MRPS9: variants seen among roughly 807,000 people sequenced by gnomAD.
The protein encoded by MRPS9 is mitochondrial ribosomal protein S9.
A neutral mutation model predicts 59.9 loss-of-function variants in MRPS9; 45 were observed. The ratio of observed to expected loss-of-function variants is 0.75; its 90% CI spans 0.59 to 0.96. The LOEUF (loss-of-function observed/expected upper bound fraction) is 0.96, where lower values mean the gene tolerates loss of function less well. Ranked by LOEUF, MRPS9 falls within the 40% of genes least tolerant of loss-of-function variation. The pLI, the probability that MRPS9 is intolerant of heterozygous loss-of-function variation, is 0.00. For missense variants in MRPS9, 473 were observed against 481.1 expected (o/e 0.98, Z 0.16); for synonymous variants, 171 against 166.8 (o/e 1.03, Z -0.19).
At chr2:105,093,242 G>A (rs1322572870) in intron 8 of MRPS9, among the ~76,000 whole-genome samples, 1 of 152,104 alleles carries the variant, frequency 6.6e-6, no homozygotes, top group African/African-American at 2.4e-5. Flanking sequence ...ATTCTCGTAA[G>A]GGAAATGAAT....
At chr2:105,060,850 G>A (rs184459017) in intron 2 of MRPS9, among the ~76,000 whole-genome samples, 1 of 151,712 alleles carries the variant, frequency 6.6e-6, no homozygotes, top group Non-Finnish European at 1.5e-5. Flanking sequence ...GGTGGCTCAC[G>A]CCTGTAATCC....
At chr2:105,053,487 T>G (rs999647581) in intron 2 of MRPS9, among the ~76,000 whole-genome samples, 8 of 152,214 alleles carry the variant, frequency 5.3e-5, no homozygotes, top group African/African-American at 1.9e-4. Flanking sequence ...GAATTGCATT[T>G]GAGCAAAACA....
intron 9 of MRPS9, among the ~76,000 whole-genome samples, chr2:105,095,215 C>T (rs1046449485): frequency 1.3e-5 from 2 of 152,176 alleles, no homozygotes; most frequent in African/African-American, 4.8e-5. Context: ...GGAATTCTGT[C>T]ATCACCTAAC....
At chr2:105,060,712 C>T (rs1297489199) in intron 2 of MRPS9, among the ~76,000 whole-genome samples, 1 of 152,142 alleles carries the variant, frequency 6.6e-6, no homozygotes, top group Non-Finnish European at 1.5e-5. Context: ...AGTTGTCTAC[C>T]ATTTGCAATG....
At chr2:105,081,309 A>G (rs1006424855) in intron 5 of MRPS9, among the ~76,000 whole-genome samples, 2 of 152,358 alleles carry the variant, frequency 1.3e-5, no homozygotes, top group Admixed American at 1.3e-4. Context: ...AGGCCTGTCA[A>G]CTTGTTACAC....
At chr2:105,098,219 G>T (rs1307849387) in intron 10 of MRPS9, 1 of 152,218 alleles carries the variant, frequency 6.6e-6, no homozygotes. Flanking sequence ...TGCTTTAGAA[G>T]TTGGAATAAA....
intron 8 of MRPS9, 116 bp from the exon 9 acceptor site, chr2:105,093,414 T>C: frequency 6.1e-6 from 3 of 489,250 alleles, no homozygotes; most frequent in Non-Finnish European, 1.1e-5. Flanking sequence ...GTTATAGGAC[T>C]TGCTTATGTA....
chr2:105,054,132 C>T (rs192970622), intron 2 of MRPS9, among the ~76,000 whole-genome samples: 1 of 152,138 alleles, frequency 6.6e-6, no homozygotes, highest in Admixed American at 6.5e-5. Flanking sequence ...AGTCAGGGCT[C>T]TCTGTCACTT....
rs1473300121 is a variant in MRPS9, at chr2:105,092,477, G to A, written c.728G>A (p.Arg243Lys). 1.9e-6 allele frequency: 3 copies of A among 1,613,898 alleles called. No individual in the cohort carries two copies. Among genetic ancestry groups the A allele is most frequent in the Non-Finnish European group, 2.5e-6 (3 of 1,179,916 alleles). The change falls in exon 8 of 11, where the codon AGG (arginine) becomes AAG (lysine). Residue 243 changes from arginine to lysine, a missense_variant. Transcript: ENST00000258455. ...CGAAEEEFVQ[R>K]FRRSVTLESK... ...GCTGCTGAGGAAGAATTTGTGCAGA[G>A]GTTTCGAAGAAGTGTAACTCTTGAA...
intron 9 of MRPS9, among the ~76,000 whole-genome samples, chr2:105,095,044 T>C (rs1423401391): frequency 6.6e-6 from 1 of 152,210 alleles, no homozygotes; most frequent in Non-Finnish European, 1.5e-5. Flanking sequence ...TCCTACATGG[T>C]TGGGAAGCCT....
At chr2:105,081,572 T>C (rs1377235052) in intron 5 of MRPS9, among the ~76,000 whole-genome samples, 1 of 152,228 alleles carries the variant, frequency 6.6e-6, no homozygotes, top group Admixed American at 6.5e-5. Context: ...CAAGATATTT[T>C]GTTACATTCC....
At chr2:105,085,946 G>C (rs771653939) in intron 5 of MRPS9, among the ~76,000 whole-genome samples, 3 of 152,048 alleles carry the variant, frequency 2.0e-5, no homozygotes, top group African/African-American at 7.2e-5. Context: ...GGATTTTTTT[G>C]ATGTAAATTA....
intron 5 of MRPS9, among the ~76,000 whole-genome samples, chr2:105,081,333 G>T (rs1345812896): frequency 2.0e-5 from 3 of 152,246 alleles, no homozygotes; most frequent in Non-Finnish European, 2.9e-5. Flanking sequence ...TGGGTTGCAC[G>T]CAGCGAAGCT....
chr2:105,094,519 A>G (rs971704570), intron 9 of MRPS9, among the ~76,000 whole-genome samples: 12 of 152,336 alleles, frequency 7.9e-5, no homozygotes, highest in African/African-American at 2.9e-4. Context: ...CAAAAGGGCT[A>G]AAACTCTTTT....
chr2:105,081,022 A>G (rs1445819172), intron 5 of MRPS9, among the ~76,000 whole-genome samples: 1 of 152,182 alleles, frequency 6.6e-6, no homozygotes, highest in East Asian at 1.9e-4. Flanking sequence ...TTGCTGAGTA[A>G]TGGAGCTGCG....
At chr2:105,092,682 G>T in intron 8 of MRPS9, 113 bp downstream of exon 8, 2 of 1,003,006 alleles carry the variant, frequency 2.0e-6, no homozygotes, top group Non-Finnish European at 2.8e-6. Context: ...GTTTATTTTT[G>T]CTACCGTTAC....
chr2:105,078,605 T>C (rs990820660), intron 4 of MRPS9, among the ~76,000 whole-genome samples: 1 of 152,180 alleles, frequency 6.6e-6, no homozygotes, highest in Admixed American at 6.5e-5. Flanking sequence ...AATAAGAATT[T>C]GGTTTTTCAA....
At chr2:105,056,878 A>G (rs1372939706) in intron 2 of MRPS9, among the ~76,000 whole-genome samples, 1 of 152,152 alleles carries the variant, frequency 6.6e-6, no homozygotes, top group Non-Finnish European at 1.5e-5. Context: ...TCTGCTTGTC[A>G]CTAGTGGTAC....
intron 4 of MRPS9, 92 bp downstream of exon 4, chr2:105,071,581 T>A: frequency 8.0e-7 from 1 of 1,246,570 alleles, no homozygotes; most frequent in Non-Finnish European, 1.1e-6. Flanking sequence ...TATCGTAGGG[T>A]GGCCTTCCTG....
Sources: allele counts gnomAD v4.1 joint callset (sites outside exome capture counted in the v4.1 genomes callset), GRCh38; gene constraint gnomAD v4.1.1; transcripts MANE v1.5; gene names NCBI Gene and HGNC (gene_info 2026-07-23, HGNC 2026-07-21).